Variants in MIPOL1 observed in about 807,000 individuals in gnomAD.
MIPOL1 encodes the protein mirror-image polydactyly gene 1 protein.
Under a neutral mutation model 60.9 loss-of-function variants are expected in MIPOL1, and 57 were observed. The observed-to-expected ratio is 0.94, with a 90% CI of 0.76 to 1.17. The LOEUF (loss-of-function observed/expected upper bound fraction) is 1.17. Among genes scored for constraint, MIPOL1 ranks in the 50% most tolerant of loss-of-function variants. The pLI, the probability that MIPOL1 is intolerant of heterozygous loss-of-function variation, is 0.00. For synonymous variants in MIPOL1, 179 were observed against 168.8 expected, an observed-to-expected ratio of 1.06 and a Z score of -0.47; for missense variants, 551 against 511.6, an observed-to-expected ratio of 1.08 and a Z score of -0.74.
chr14:37,420,771 T>G (rs1374883072), intron 10 of MIPOL1, among the ~76,000 whole-genome samples: 1 of 151,988 alleles, frequency 6.6e-6, no homozygotes, highest in Non-Finnish European at 1.5e-5. Context: ...CTGAGGCTAG[T>G]GGGATGCAGT....
chr14:37,205,589 G>T (rs556217824), intron 1 of MIPOL1, among the ~76,000 whole-genome samples: 53 of 152,058 alleles, frequency 3.5e-4, no homozygotes, highest in African/African-American at 1.2e-3. Flanking sequence ...CATTTACATT[G>T]GGTGTTTCTC....
rs113967572 is a variant in MIPOL1, at chr14:37,431,880, C to G, written c.1031+8931C>G. ...GATTACAGGCGTGAGCCACTACGCCCGGCCCTGTTTCTAGTTTAGTATTTC... is the reference window on the plus strand; with the variant it reads ...GATTACAGGCGTGAGCCACTACGCCGGGCCCTGTTTCTAGTTTAGTATTTC... On this transcript the variant is annotated intron_variant, in intron 11 of 12. Transcript: ENST00000684589. 3.2e-3 allele frequency among the ~76,000 whole-genome samples: 481 copies of G among 152,110 alleles called. 4 individuals are homozygous for G. Among genetic ancestry groups the G allele is most frequent in the Middle Eastern group, 0.031 (9 of 294 alleles).
At chr14:37,540,091 A>G (rs1324258574) in intron 12 of MIPOL1, among the ~76,000 whole-genome samples, 1 of 152,162 alleles carries the variant, frequency 6.6e-6, no homozygotes, top group Non-Finnish European at 1.5e-5. Flanking sequence ...GCCAGGCTGA[A>G]CTGTGAATCA....
chr14:37,403,518 C>T (rs1464846422), intron 10 of MIPOL1, among the ~76,000 whole-genome samples: 2 of 147,626 alleles, frequency 1.4e-5, no homozygotes, highest in Non-Finnish European at 3.0e-5. Flanking sequence ...GCAAGCAATC[C>T]TCTCACCTTG....
rs566236669 is a variant in MIPOL1 at position 37,415,419 on chromosome 14, G to A, written c.937-7436G>A. Among the ~76,000 whole-genome samples the A allele has an allele frequency of 1.3e-4, 19 of 151,906 alleles. 1 individual carries two copies. The East Asian group carries it at 3.3e-3, about 26-fold the overall frequency. On this transcript the variant is annotated intron_variant, in intron 10 of 12. Transcript: ENST00000684589. ...AGGCGGATCACGAGGTCAGGAGATC[G>A]AGACCATCCTGGCTAACACGGTGAA...
chr14:37,519,461 T>C (rs1337438121), intron 12 of MIPOL1, among the ~76,000 whole-genome samples: 1 of 152,186 alleles, frequency 6.6e-6, no homozygotes, highest in African/African-American at 2.4e-5. Context: ...GACTAGGTAC[T>C]GATCCTTTCC....
intron 10 of MIPOL1, among the ~76,000 whole-genome samples, chr14:37,404,947 C>T (rs527295826): frequency 1.3e-5 from 2 of 152,246 alleles, no homozygotes; most frequent in Non-Finnish European, 2.9e-5. Flanking sequence ...ATATTATTTA[C>T]TTTGTGCTTT....
At chr14:37,433,003 A>C (rs1012869832) in intron 11 of MIPOL1, among the ~76,000 whole-genome samples, 14 of 152,184 alleles carry the variant, frequency 9.2e-5, no homozygotes, top group Admixed American at 7.2e-4. Flanking sequence ...GGCAAGTCTG[A>C]AAATCTCAGA....
chr14:37,431,569 C>T (rs201411529), intron 11 of MIPOL1, among the ~76,000 whole-genome samples: 258 of 64,670 alleles, frequency 4.0e-3, no homozygotes, highest in South Asian at 6.2e-3. Flanking sequence ...ATCTCTGTTT[C>T]TTTTTTTTTT....
chr14:37,307,513 AAC>A (rs911065685), intron 7 of MIPOL1, among the ~76,000 whole-genome samples: 1 of 152,004 alleles, frequency 6.6e-6, no homozygotes, highest in Admixed American at 6.6e-5. Flanking sequence ...AGAAGAAAAT[AAC>A]AGTCATCTAA....
chr14:37,385,860 GAAAC>G (rs2093053121), intron 10 of MIPOL1: 1 of 151,958 alleles, frequency 6.6e-6, no homozygotes, highest in African/African-American at 2.4e-5. Context: ...ATTTTAGAGA[GAAAC>G]AAAAGAAAAT....
intron 10 of MIPOL1, among the ~76,000 whole-genome samples, chr14:37,375,867 G>C (rs1195586689): frequency 2.0e-5 from 3 of 151,928 alleles, no homozygotes; most frequent in Non-Finnish European, 2.9e-5. Flanking sequence ...TTACTCCTGT[G>C]ACTGGCTTTC....
At chr14:37,528,186 T>G (rs907085847) in intron 12 of MIPOL1, among the ~76,000 whole-genome samples, 15 of 152,056 alleles carry the variant, frequency 9.9e-5, no homozygotes, top group African/African-American at 3.6e-4. Flanking sequence ...CAACTTGACA[T>G]TTTTACAAAA....
intron 10 of MIPOL1, among the ~76,000 whole-genome samples, chr14:37,374,546 T>G (rs1284046870): frequency 2.0e-5 from 3 of 152,196 alleles, no homozygotes; most frequent in African/African-American, 4.8e-5. Context: ...TAATCCATCT[T>G]GAGTTAATTT....
At chr14:37,209,948 C>T (rs546320751) in intron 1 of MIPOL1, among the ~76,000 whole-genome samples, 3 of 151,906 alleles carry the variant, frequency 2.0e-5, no homozygotes, top group South Asian at 4.2e-4. Context: ...GCTCCTTAAG[C>T]GATCCTCCCA....
intron 1 of MIPOL1, among the ~76,000 whole-genome samples, chr14:37,244,724 T>TA (rs1055201591): frequency 6.6e-6 from 1 of 152,158 alleles, no homozygotes; most frequent in African/African-American, 2.4e-5. Flanking sequence ...TCTGATTGTC[T>TA]ACTGTAAAAT....
intron 11 of MIPOL1, among the ~76,000 whole-genome samples, chr14:37,444,271 C>T (rs1296658615): frequency 6.6e-6 from 1 of 152,048 alleles, no homozygotes; most frequent in South Asian, 2.1e-4. Context: ...TCTGAATTAA[C>T]TTATTCTAGT....
Position 37,297,076 on chromosome 14 carries a change from A to T in MIPOL1, c.624-10980A>T, listed in dbSNP as rs1487224371. On this transcript the variant is annotated intron_variant, in intron 7 of 12. Coordinates refer to ENST00000684589, the MANE Select transcript of MIPOL1 (RefSeq NM_001388067.1). ...CCTCAATAAAATACTGGCAAACTGA[A>T]TCCAGCAGCACATCAAAGAACTTAT... 5.9e-5 allele frequency among the ~76,000 whole-genome samples: 9 copies of T among 152,340 alleles called. No individual in the cohort carries two copies. The East Asian group carries it at 1.4e-3, about 23-fold the overall frequency.
At position 37,266,972 on chromosome 14, in the gene MIPOL1, G is replaced by A. The variant is rs542097470; in HGVS notation, c.54G>A (p.Thr18=). 1.9e-5 allele frequency: 31 copies of A among 1,613,148 alleles called. No individual in the cohort carries two copies. In the African/African-American group the frequency reaches 2.0e-4, roughly 10 times the overall value. ...ITHSYLEQET[T]GINKSTQPDE... is the part of the protein sequence containing the mutation. ...ACAGTTATCTTGAACAAGAAACTAC[G>A]GGGATAAATAAAAGTACGCAGCCAG... The change falls in exon 4 of 13, where the codon ACG becomes ACA. Residue 18 remains threonine (T), a synonymous_variant. Coordinates refer to ENST00000684589, the MANE Select transcript of MIPOL1 (RefSeq NM_001388067.1).
Sources: gnomAD v4.1 joint callset for allele counts (sites outside exome capture counted in the v4.1 genomes callset) on GRCh38, gnomAD v4.1.1 for gene constraint, MANE v1.5 for transcripts, NCBI Gene and HGNC (gene_info 2026-07-23, HGNC 2026-07-21) for gene names.